The following FHIT variants were observed in gnomAD, a reference collection of about 807,000 sequenced individuals.
FHIT encodes fragile histidine triad diadenosine triphosphatase.
A neutral mutation model predicts 17.9 loss-of-function variants in FHIT; 19 were observed. That is an observed-to-expected ratio of 1.06 (90% CI 0.74 to 1.56). The LOEUF is 1.56. Ranked by LOEUF, FHIT falls within the 40% of genes most tolerant of loss-of-function variation. The probability of loss-of-function intolerance (pLI) is 0.00; values close to 1 mark genes in which losing one functional copy is unlikely to be tolerated. For synonymous variants in FHIT, 81 were observed against 69.7 expected, an observed-to-expected ratio of 1.16 and a Z score of -0.81; for missense variants, 248 against 189.2, an observed-to-expected ratio of 1.31 and a Z score of -1.82.
At chr3:60,376,593 A>C (rs1039015412) in intron 5 of FHIT, among the ~76,000 whole-genome samples, 1 of 152,218 alleles carries the variant, frequency 6.6e-6, no homozygotes, top group Non-Finnish European at 1.5e-5. Flanking sequence ...TCTGCAAAAG[A>C]AAAATTTCAA....
At chr3:60,851,374 A>G (rs1199534593) in intron 3 of FHIT, among the ~76,000 whole-genome samples, 2 of 152,090 alleles carry the variant, frequency 1.3e-5, no homozygotes, top group African/African-American at 4.8e-5. Context: ...ATATTTTTTC[A>G]TATATAACAG....
intron 4 of FHIT, among the ~76,000 whole-genome samples, chr3:60,538,675 A>T (rs2036074394): frequency 6.6e-6 from 1 of 152,238 alleles, no homozygotes; most frequent in African/African-American, 2.4e-5. Flanking sequence ...AACCTGACAA[A>T]AACAAGAAAT....
At chr3:59,941,942 T>C (rs543640595) in intron 7 of FHIT, among the ~76,000 whole-genome samples, 5 of 152,272 alleles carry the variant, frequency 3.3e-5, no homozygotes, top group African/African-American at 1.2e-4. Context: ...TTACCTTGGA[T>C]GAGAGCTCAC....
At chr3:60,778,236 A>G (rs1233815878) in intron 4 of FHIT, among the ~76,000 whole-genome samples, 2 of 152,238 alleles carry the variant, frequency 1.3e-5, no homozygotes, top group African/African-American at 4.8e-5. Context: ...GGAGATAACT[A>G]AACTTCTTTG....
chr3:60,779,019 C>T (rs1700295620), intron 4 of FHIT, among the ~76,000 whole-genome samples: 1 of 152,170 alleles, frequency 6.6e-6, no homozygotes, highest in African/African-American at 2.4e-5. Flanking sequence ...GATGCAAACC[C>T]ATGGCTAGGC....
intron 5 of FHIT, among the ~76,000 whole-genome samples, chr3:60,103,080 C>A (rs1704261161): frequency 6.6e-6 from 1 of 152,174 alleles, no homozygotes; most frequent in Non-Finnish European, 1.5e-5. Context: ...AAAGCTAACA[C>A]ATCACAGCTT....
At chr3:60,808,144 C>G (rs1701461147) in intron 4 of FHIT, among the ~76,000 whole-genome samples, 1 of 152,224 alleles carries the variant, frequency 6.6e-6, no homozygotes, top group South Asian at 2.1e-4. Flanking sequence ...TTGTAGCATG[C>G]AATTTGCCTT....
intron 5 of FHIT, among the ~76,000 whole-genome samples, chr3:60,143,949 C>T (rs1219768538): frequency 1.3e-5 from 2 of 152,126 alleles, no homozygotes; most frequent in African/African-American, 4.8e-5. Flanking sequence ...AGCAGTAGGT[C>T]ATACCTTAAA....
At chr3:61,190,575 T>C (rs572278467) in intron 2 of FHIT, among the ~76,000 whole-genome samples, 12 of 152,302 alleles carry the variant, frequency 7.9e-5, no homozygotes, top group African/African-American at 2.9e-4. Context: ...GCCATCTCAT[T>C]ACTGGGTATA....
At chr3:60,479,194 C>T (rs936208859) in intron 5 of FHIT, among the ~76,000 whole-genome samples, 3 of 152,144 alleles carry the variant, frequency 2.0e-5, no homozygotes, top group Admixed American at 6.5e-5. Flanking sequence ...ATGACTTTGT[C>T]CCTTAACTGA....
chr3:60,630,699 T>C (rs1043153691), intron 4 of FHIT, among the ~76,000 whole-genome samples: 9 of 152,226 alleles, frequency 5.9e-5, no homozygotes, highest in African/African-American at 1.9e-4. Flanking sequence ...CAGTTGAACT[T>C]TGCCAGGAAA....
intron 5 of FHIT, among the ~76,000 whole-genome samples, chr3:60,073,324 T>C (rs1227354764): frequency 6.6e-6 from 1 of 152,048 alleles, no homozygotes; most frequent in Non-Finnish European, 1.5e-5. Flanking sequence ...GGAAAGGGGA[T>C]TGCCTTACTC....
At chr3:60,678,986 A>G (rs573715094) in intron 4 of FHIT, among the ~76,000 whole-genome samples, 1 of 151,918 alleles carries the variant, frequency 6.6e-6, no homozygotes, top group African/African-American at 2.4e-5. Flanking sequence ...GCAAAAAAAA[A>G]AGTGGTTTGC....
chr3:60,588,435 G>A (rs1161812490), intron 4 of FHIT, among the ~76,000 whole-genome samples: 3 of 151,372 alleles, frequency 2.0e-5, no homozygotes, highest in Admixed American at 1.3e-4. Context: ...AAATAAAGAG[G>A]GGAAGGAGAA....
At chr3:61,125,248 C>T (rs1259377275) in intron 2 of FHIT, among the ~76,000 whole-genome samples, 4 of 152,100 alleles carry the variant, frequency 2.6e-5, no homozygotes. Flanking sequence ...CATTTGAGTA[C>T]ATGAACAAGT....
intron 5 of FHIT, among the ~76,000 whole-genome samples, chr3:60,246,711 G>T (rs776415698): frequency 7.2e-5 from 11 of 152,076 alleles, no homozygotes; most frequent in Non-Finnish European, 1.5e-4. Context: ...AAGTGAAATG[G>T]TTTGCTCTTC....
intron 8 of FHIT, among the ~76,000 whole-genome samples, chr3:59,899,745 C>G (rs1304424711): frequency 1.3e-5 from 2 of 152,100 alleles, no homozygotes; most frequent in Non-Finnish European, 2.9e-5. Context: ...ACTCAGGAGG[C>G]TGAGGCAGGA....
chr3:60,497,857 G>A (rs575175602), intron 5 of FHIT, among the ~76,000 whole-genome samples: 2 of 152,234 alleles, frequency 1.3e-5, no homozygotes, highest in East Asian at 1.9e-4. Flanking sequence ...CCAACCTCAT[G>A]GGTTTCAGTA....
chr3:60,323,214 C>T lies in FHIT; in HGVS notation c.103+213646G>A, dbSNP rs188401238. On this transcript the variant is annotated intron_variant, in intron 5 of 9. Transcript: ENST00000492590. ...GGACGCAGGGCTCCCAGGACACCAC[C>T]GGGAATCACTGTTTCACATTCATGA... 1.3e-3 allele frequency among the ~76,000 whole-genome samples: 194 copies of T among 152,184 alleles called. 1 individual carries two copies. The highest frequency in any genetic ancestry group is 2.5e-3 in the Admixed American group (38 of 15,278).
Sources: allele counts gnomAD v4.1 joint callset (sites outside exome capture counted in the v4.1 genomes callset), GRCh38; gene constraint gnomAD v4.1.1; transcripts MANE v1.5; gene names NCBI Gene and HGNC (gene_info 2026-07-23, HGNC 2026-07-21).